Variants in TRPS1 observed in about 807,000 individuals in gnomAD.
TRPS1 encodes the protein transcriptional repressor GATA binding 1.
A neutral mutation model predicts 101.2 loss-of-function variants in TRPS1; 6 were observed. The ratio of observed to expected loss-of-function variants is 0.06; its 90% confidence interval spans 0.03 to 0.12. The LOEUF is 0.12. TRPS1 is among the 10% of genes least tolerant of loss of function. The probability of loss-of-function intolerance (pLI) is 1.00; values close to 1 mark genes in which losing one functional copy is unlikely to be tolerated. For synonymous variants in TRPS1, 578 were observed against 589.8 expected (o/e 0.98, Z 0.29); for missense variants, 1,363 against 1,567.0 (o/e 0.87, Z 2.20).
intron 5 of TRPS1, among the ~76,000 whole-genome samples, chr8:115,430,548 G>A (rs1813293737): frequency 6.6e-6 from 1 of 152,024 alleles, no homozygotes; most frequent in Non-Finnish European, 1.5e-5. Context: ...CTAGAACTTA[G>A]ATTGAAAACA....
chr8:115,585,227 G>A (rs930487695), intron 5 of TRPS1, among the ~76,000 whole-genome samples: 9 of 152,188 alleles, frequency 5.9e-5, no homozygotes, highest in Non-Finnish European at 1.3e-4. Flanking sequence ...ATTTAAGGAA[G>A]TGGAGGAATT....
At chr8:115,646,963 G>A (rs1254496585) in intron 1 of TRPS1, among the ~76,000 whole-genome samples, 3 of 152,022 alleles carry the variant, frequency 2.0e-5, no homozygotes, top group Non-Finnish European at 2.9e-5. Flanking sequence ...AAGTTGAAGT[G>A]TTACAAATTA....
intron 5 of TRPS1, among the ~76,000 whole-genome samples, chr8:115,548,906 T>C (rs1021619454): frequency 5.9e-5 from 9 of 152,182 alleles, no homozygotes; most frequent in African/African-American, 2.2e-4. Flanking sequence ...CTCTCCCTAA[T>C]AGATGAAAGC....
chr8:115,596,384 G>C (rs183850059), intron 4 of TRPS1, among the ~76,000 whole-genome samples: 301 of 151,928 alleles, frequency 2.0e-3, no homozygotes, highest in African/African-American at 6.9e-3. Context: ...GAGAATTGAT[G>C]CATTTTTTAA....
At chr8:115,527,552 T>G (rs1331433088) in intron 5 of TRPS1, among the ~76,000 whole-genome samples, 1 of 152,034 alleles carries the variant, frequency 6.6e-6, no homozygotes, top group Admixed American at 6.6e-5. Context: ...ACAAATAGAA[T>G]AAAAGAATAG....
chr8:115,618,319 T>C (rs746696434), intron 3 of TRPS1, among the ~76,000 whole-genome samples: 21 of 152,192 alleles, frequency 1.4e-4, no homozygotes, highest in Admixed American at 1.2e-3. Flanking sequence ...TAAAATTAAA[T>C]GTATACATTT....
intron 5 of TRPS1, among the ~76,000 whole-genome samples, chr8:115,558,560 T>G (rs1816877765): frequency 6.6e-6 from 1 of 152,204 alleles, no homozygotes; most frequent in Non-Finnish European, 1.5e-5. Context: ...TTTTAGCAAT[T>G]AAGTATGAAA....
chr8:115,481,397 AC>A lies in TRPS1; in HGVS notation c.2701-62946del, dbSNP rs369741350. ...ATCCCTCACTTTACTATAAAAATCA[AC>A]CCCCCCCCACTCTTCTGCAACAAAA... On this transcript the variant is annotated intron_variant, in intron 5 of 6. Coordinates refer to ENST00000395715, the MANE Select transcript of TRPS1 (RefSeq NM_014112.5). Among the ~76,000 whole-genome samples the A allele has an allele frequency of 3.7e-3, 543 of 148,400 alleles. 2 individuals are homozygous for A. Among genetic ancestry groups the A allele is most frequent in the African/African-American group, 1.0e-2 (402 of 40,360 alleles).
chr8:115,535,808 T>G (rs1816306151), intron 5 of TRPS1, among the ~76,000 whole-genome samples: 1 of 151,850 alleles, frequency 6.6e-6, no homozygotes, highest in African/African-American at 2.4e-5. Context: ...GAGTCAAGCC[T>G]TTTGATTCAC....
intron 5 of TRPS1, among the ~76,000 whole-genome samples, chr8:115,435,333 C>A (rs1387375521): frequency 6.6e-6 from 1 of 152,014 alleles, no homozygotes; most frequent in Non-Finnish European, 1.5e-5. Flanking sequence ...TTGGTAGCAC[C>A]CAAGGGTGAT....
intron 5 of TRPS1, among the ~76,000 whole-genome samples, chr8:115,570,979 G>T (rs1817189986): frequency 6.6e-6 from 1 of 152,148 alleles, no homozygotes; most frequent in African/African-American, 2.4e-5. Flanking sequence ...GCTTGGGCTG[G>T]TCCACTGGAT....
intron 5 of TRPS1, among the ~76,000 whole-genome samples, chr8:115,421,243 C>A (rs1813046793): frequency 6.6e-6 from 1 of 152,078 alleles, no homozygotes; most frequent in African/African-American, 2.4e-5. Flanking sequence ...CCTCGGCCTC[C>A]CAAAGTGCTG....
chr8:115,445,759 A>C (rs955340659), intron 5 of TRPS1, among the ~76,000 whole-genome samples: 1 of 152,186 alleles, frequency 6.6e-6, no homozygotes, highest in African/African-American at 2.4e-5. Context: ...AAATCGCAGA[A>C]GGTGAGATAG....
intron 1 of TRPS1, among the ~76,000 whole-genome samples, chr8:115,657,692 G>A (rs1811705852): frequency 6.6e-6 from 1 of 152,084 alleles, no homozygotes; most frequent in Admixed American, 6.6e-5. Flanking sequence ...TGGAAGTACT[G>A]CATAACTAAA....
chr8:115,608,347 T>C (rs1372855771), intron 3 of TRPS1, among the ~76,000 whole-genome samples: 3 of 152,184 alleles, frequency 2.0e-5, no homozygotes, highest in Non-Finnish European at 4.4e-5. Context: ...CTCTAATTAG[T>C]AGTAACTAAG....
chr8:115,453,179 T>A (rs1334643614), intron 5 of TRPS1, among the ~76,000 whole-genome samples: 1 of 151,956 alleles, frequency 6.6e-6, no homozygotes, highest in East Asian at 1.9e-4. Flanking sequence ...CACCACCACA[T>A]CCAGCTACCT....
intron 1 of TRPS1, among the ~76,000 whole-genome samples, chr8:115,648,692 ATTATT>A (rs1191707519): frequency 8.2e-6 from 1 of 122,026 alleles, no homozygotes; most frequent in Non-Finnish European, 1.6e-5. Context: ...CCTTATTATT[ATTATT>A]TTATTTCTCT....
intron 5 of TRPS1, among the ~76,000 whole-genome samples, chr8:115,551,404 T>C (rs1816701085): frequency 6.6e-6 from 1 of 152,204 alleles, no homozygotes; most frequent in African/African-American, 2.4e-5. Context: ...TCTATACTTA[T>C]GATGTAGTGT....
chr8:115,553,842 A>G (rs1816756524), intron 5 of TRPS1, among the ~76,000 whole-genome samples: 1 of 152,138 alleles, frequency 6.6e-6, no homozygotes, highest in African/African-American at 2.4e-5. Context: ...AAAATCATCT[A>G]AATTTGTGAT....
Sources: allele counts gnomAD v4.1 joint callset (sites outside exome capture counted in the v4.1 genomes callset), GRCh38; gene constraint gnomAD v4.1.1; transcripts MANE v1.5; gene names NCBI Gene and HGNC (gene_info 2026-07-23, HGNC 2026-07-21).